Variants in ARL10 observed in about 807,000 individuals in gnomAD.
ARL10 encodes ADP-ribosylation factor-like protein 10.
In ARL10, 23 loss-of-function variants were observed where a neutral mutation model predicts 26.1. That is an observed-to-expected ratio of 0.88 (90% CI 0.63 to 1.25). The LOEUF is 1.25. ARL10 is among the 50% of genes most tolerant of loss of function. ARL10 has a pLI of 0.00. For missense variants in ARL10, 300 were observed against 323.6 expected, an observed-to-expected ratio of 0.93 and a Z score of 0.56; for synonymous variants, 138 against 149.1, an observed-to-expected ratio of 0.93 and a Z score of 0.54.
Position 176,372,947 on chromosome 5 carries a change from TG to T in ARL10, c.*1054del. 2 of 398,616 alleles carry T rather than the reference TG, an allele frequency of 5.0e-6. No individual in the cohort carries two copies. The highest frequency in any genetic ancestry group is 8.8e-6 in the Non-Finnish European group (2 of 226,066). 24.7% of individuals were successfully genotyped at this position (398,616 alleles called of 1,614,324 possible). ...CAATGAGATAACATACAGATGTCAGTGGAGACAAAGTTGTGGGTTCCTCCTC... is the reference window on the plus strand; with the variant it reads ...CAATGAGATAACATACAGATGTCAGTGAGACAAAGTTGTGGGTTCCTCCTC... On this transcript the variant is annotated 3_prime_UTR_variant, in exon 4 of 4. Coordinates refer to ENST00000310389, the MANE Select transcript of ARL10 (RefSeq NM_173664.6).
At chr5:176,391,774 C>G (rs1055028426), downstream of ARL10, among the ~76,000 whole-genome samples, 1 of 152,210 alleles carries the variant, frequency 6.6e-6, no homozygotes, top group African/African-American at 2.4e-5. Context: ...AGACCCTTCC[C>G]CAGCTCCTTC....
downstream of ARL10, chr5:176,385,459 C>T (rs1420777952): frequency 4.8e-6 from 3 of 624,594 alleles, no homozygotes; most frequent in Non-Finnish European, 8.7e-6. Context: ...GGGTCTTTGC[C>T]TCCCCATTCC....
downstream of ARL10, chr5:176,384,589 C>T (rs1167104904): frequency 7.0e-6 from 4 of 573,260 alleles, no homozygotes; most frequent in African/African-American, 5.6e-5. Flanking sequence ...GAGTTCCAGG[C>T]CACCCTGGGC....
At chr5:176,405,486 T>A (rs1757055380), downstream of ARL10, 1 of 107,936 alleles carries the variant, frequency 9.3e-6, no homozygotes, top group Admixed American at 1.2e-4. Context: ...AGACCCTGTC[T>A]CTCAAAAAAA....
At chr5:176,367,818 T>G (rs1177818763) in intron 2 of ARL10, 1 of 498,302 alleles carries the variant, frequency 2.0e-6, no homozygotes, top group East Asian at 5.5e-5. Flanking sequence ...TCAGCCACTT[T>G]CCCTTTTTTC....
rs913128052 is a variant in ARL10, at chr5:176,393,928, C to G, written c.134-7813C>G. ...TCACAAGTCCCTGGAAGCCCCCTCT[C>G]CATCTCAAGCAGGACCAGTTCTGCC... On this transcript the variant is annotated intron_variant, in intron 1 of 1. Transcript: ENST00000514533. This position sits in a 1 kb window ranked among gnomAD's most constrained non-coding sequence, Gnocchi z 4.4. Among the ~76,000 whole-genome samples the G allele has an allele frequency of 6.6e-6, 1 of 152,218 alleles. No individual in the cohort carries two copies. Among genetic ancestry groups the G allele is most frequent in the African/African-American group, 2.4e-5 (1 of 41,460 alleles).
chr5:176,398,434 G>T (rs762111738), intron 1 of ARL10, among the ~76,000 whole-genome samples: 5 of 152,094 alleles, frequency 3.3e-5, no homozygotes, highest in African/African-American at 1.2e-4. Flanking sequence ...AAAGAATGTC[G>T]GGCGCAGTGG....
At chr5:176,397,432 C>T (rs1374926395) in intron 1 of ARL10, among the ~76,000 whole-genome samples, 2 of 145,106 alleles carry the variant, frequency 1.4e-5, no homozygotes, top group African/African-American at 5.2e-5. Flanking sequence ...CCACAGCTCC[C>T]TCATGTCCCC....
intron 1 of ARL10, among the ~76,000 whole-genome samples, chr5:176,400,207 AAG>A: frequency 1.3e-5 from 2 of 149,646 alleles, no homozygotes; most frequent in Non-Finnish European, 1.5e-5. Flanking sequence ...CAAAAAAAAA[AAG>A]AAAGAAAGAA....
chr5:176,393,042 G>T, downstream of ARL10: 1 of 1,353,228 alleles, frequency 7.4e-7, no homozygotes, highest in Non-Finnish European at 1.0e-6. This position sits in a 1 kb window ranked among gnomAD's most constrained non-coding sequence, Gnocchi z 4.4. Flanking sequence ...CTGGGGCACT[G>T]TGTCCTCCCC....
At chr5:176,365,834 C>A in intron 1 of ARL10, 88 bp downstream of exon 1, 2 of 1,212,194 alleles carry the variant, frequency 1.6e-6, no homozygotes, top group Non-Finnish European at 2.1e-6. Flanking sequence ...CACGGAACGG[C>A]CCTGCTGGTG....
At position 176,371,730 on chromosome 5, in the gene ARL10, C is replaced by T. The variant is rs752531389; in HGVS notation, c.570C>T (p.Ser190=). ...TTCTGTGTCTCACCCAGGACCTGAGCGAGGCCATGAGTATGGGGGAGCTGC... is the reference window on the plus strand; with the variant it reads ...TTCTGTGTCTCACCCAGGACCTGAGTGAGGCCATGAGTATGGGGGAGCTGC... ...VVVVANKQDL[S]EAMSMGELQR... Residue 190 remains serine (S), a synonymous_variant, in exon 4 of 4, where the codon AGC becomes AGT. Coordinates refer to ENST00000310389, the MANE Select transcript of ARL10 (RefSeq NM_173664.6). 24 of 1,614,018 alleles carry T rather than the reference C, an allele frequency of 1.5e-5. No homozygotes were observed. Among genetic ancestry groups the T allele is most frequent in the East Asian group, 1.1e-4 (5 of 44,872 alleles).
At chr5:176,388,249 G>A (rs750097354) in intron 1 of ARL10, 2 of 1,612,018 alleles carry the variant, frequency 1.2e-6, no homozygotes, top group Non-Finnish European at 1.7e-6. Context: ...CTCTTACGGA[G>A]GGGCACCGCC....
intron 1 of ARL10, among the ~76,000 whole-genome samples, chr5:176,396,935 GC>G (rs777001707): frequency 6.6e-6 from 1 of 152,036 alleles, no homozygotes; most frequent in East Asian, 1.9e-4. Context: ...GGTCTAGAAT[GC>G]CCCCCTACCT....
downstream of ARL10, among the ~76,000 whole-genome samples, chr5:176,393,592 C>T (rs1232573138): frequency 6.6e-6 from 1 of 152,208 alleles, no homozygotes; most frequent in East Asian, 1.9e-4. The surrounding 1 kb of genome is among the most constrained non-coding windows in gnomAD (Gnocchi z 4.4). Flanking sequence ...CACCACATCC[C>T]AAGCGTCTTT....
rs370281040 is a variant in ARL10 at position 176,397,924 on chromosome 5, C to T, written c.134-3817C>T. On this transcript the variant is annotated intron_variant, in intron 1 of 1. Transcript: ENST00000514533. Reference sequence around the variant, plus strand: ...CCAGCCAACCCCGCCTCAGCCCCGCCCTCACCCAGCTCTTGCAGCCGTTTC... The same window carrying T: ...CCAGCCAACCCCGCCTCAGCCCCGCTCTCACCCAGCTCTTGCAGCCGTTTC... The T allele has an allele frequency of 4.3e-6, 7 of 1,612,956 alleles. No homozygotes were observed. In the African/African-American group the frequency reaches 9.3e-5, roughly 22 times the overall value.
chr5:176,408,807 G>A, the ARL10 span, among the ~76,000 whole-genome samples: 64 of 152,266 alleles, frequency 4.2e-4, no homozygotes, highest in African/African-American at 1.5e-3. Flanking sequence ...GGCGTAAGCC[G>A]CCGTGCCCGG....
intron 1 of ARL10, among the ~76,000 whole-genome samples, chr5:176,394,111 G>C (rs1756380728): frequency 6.6e-6 from 1 of 152,202 alleles, no homozygotes; most frequent in Admixed American, 6.5e-5. Context: ...ACTGGACTGA[G>C]AATTCAATGA....
In ARL10 at chr5:176,371,793, G is replaced by A. The variant is rs752423891; in HGVS notation, c.633G>A (p.Arg211=). The A allele has an allele frequency of 1.2e-6, 2 of 1,614,220 alleles. No homozygotes were observed. The highest frequency in any genetic ancestry group is 1.7e-6 in the Non-Finnish European group (2 of 1,180,042). ...GTCTACAGGCTATCGATAACCAGCG[G>A]GAGGTTTTCCTCTTGGCAGCCAGCA... is the stretch of plus-strand genomic sequence containing the variant. ...ELGLQAIDNQ[R]EVFLLAASIA... The change falls in exon 4 of 4, where the codon CGG becomes CGA. Residue 211 remains arginine, a synonymous_variant. Coordinates refer to ENST00000310389, the MANE Select transcript of ARL10 (RefSeq NM_173664.6).
Sources: allele counts gnomAD v4.1 joint callset (sites outside exome capture counted in the v4.1 genomes callset), GRCh38; gene constraint gnomAD v4.1.1; non-coding constraint Gnocchi (gnomAD v3.1); transcripts MANE v1.5; gene names NCBI Gene and HGNC (gene_info 2026-07-23, HGNC 2026-07-21).